The following CPNE8 variants were observed in gnomAD, a reference collection of about 807,000 sequenced individuals.
CPNE8 encodes the protein copine-8.
CPNE8 carries 45 observed loss-of-function variants against 81.5 expected under a neutral mutation model. The ratio of observed to expected loss-of-function variants is 0.55; its 90% CI spans 0.44 to 0.71. The LOEUF (loss-of-function observed/expected upper bound fraction) is 0.71, where lower values mean the gene tolerates loss of function less well. Among genes scored for constraint, CPNE8 ranks in the 30% least tolerant of loss-of-function variants. CPNE8 has a pLI of 0.00. For missense variants in CPNE8, 594 were observed against 672.1 expected, an observed-to-expected ratio of 0.88 and a Z score of 1.28; for synonymous variants, 252 against 226.3, an observed-to-expected ratio of 1.11 and a Z score of -1.02.
At chr12:38,703,575 C>A (rs826895) in intron 13 of CPNE8, among the ~76,000 whole-genome samples, 3 of 152,190 alleles carry the variant, frequency 2.0e-5, no homozygotes, top group Non-Finnish European at 4.4e-5. Context: ...CTCACCACTC[C>A]TATTCCACAT....
At chr12:38,808,439 T>C (rs1942866779) in intron 6 of CPNE8, among the ~76,000 whole-genome samples, 1 of 151,554 alleles carries the variant, frequency 6.6e-6, no homozygotes, top group Non-Finnish European at 1.5e-5. Context: ...AAATGATGAG[T>C]TCATGTCTTT....
chr12:38,843,368 C>T (rs1943504196), intron 4 of CPNE8, among the ~76,000 whole-genome samples: 1 of 152,162 alleles, frequency 6.6e-6, no homozygotes, highest in Non-Finnish European at 1.5e-5. Flanking sequence ...TACTTTCTCC[C>T]TAAAGTTCAG....
intron 14 of CPNE8, among the ~76,000 whole-genome samples, chr12:38,699,987 T>G (rs1179024814): frequency 6.6e-6 from 1 of 152,214 alleles, no homozygotes; most frequent in African/African-American, 2.4e-5. Flanking sequence ...GGATATCCTA[T>G]ATACAAGATC....
chr12:38,715,714 T>TC (rs2136721442), intron 13 of CPNE8, among the ~76,000 whole-genome samples: 1 of 152,080 alleles, frequency 6.6e-6, no homozygotes, highest in African/African-American at 2.4e-5. Flanking sequence ...TTGAAAGCAT[T>TC]CCCCCTGAGA....
chr12:38,760,435 G>GTGTATATA (rs1555154496), intron 10 of CPNE8, among the ~76,000 whole-genome samples: 4 of 127,276 alleles, frequency 3.1e-5, no homozygotes, highest in African/African-American at 7.0e-5. Context: ...TGTATGGTGT[G>GTGTATATA]TATATATATA....
intron 13 of CPNE8, among the ~76,000 whole-genome samples, chr12:38,704,089 G>A (rs770539982): frequency 1.9e-4 from 29 of 152,122 alleles, no homozygotes; most frequent in Non-Finnish European, 3.7e-4. Context: ...ACAGACACTG[G>A]AGACTACTAG....
At chr12:38,761,202 A>G (rs1166411320) in intron 9 of CPNE8, among the ~76,000 whole-genome samples, 1 of 152,178 alleles carries the variant, frequency 6.6e-6, no homozygotes, top group Non-Finnish European at 1.5e-5. Flanking sequence ...ACTGTCTTGG[A>G]GCAGTGTTTC....
At chr12:38,802,913 T>C (rs568934145) in intron 6 of CPNE8, among the ~76,000 whole-genome samples, 5 of 149,428 alleles carry the variant, frequency 3.3e-5, no homozygotes, top group South Asian at 4.3e-4. Flanking sequence ...CTAGAAGAAA[T>C]AGATACATTC....
At chr12:38,808,426 A>C (rs1942866403) in intron 6 of CPNE8, among the ~76,000 whole-genome samples, 1 of 152,058 alleles carries the variant, frequency 6.6e-6, no homozygotes, top group Admixed American at 6.6e-5. Context: ...ATGCAGCCAT[A>C]AAAAATGATG....
intron 3 of CPNE8, among the ~76,000 whole-genome samples, chr12:38,852,493 T>A (rs1943662389): frequency 6.7e-6 from 1 of 148,866 alleles, no homozygotes; most frequent in Non-Finnish European, 1.5e-5. Flanking sequence ...TCCCAGTTAC[T>A]CAGGAGGCTG....
intron 5 of CPNE8, among the ~76,000 whole-genome samples, chr12:38,831,405 A>G (rs1943283379): frequency 6.6e-6 from 1 of 152,168 alleles, no homozygotes; most frequent in Admixed American, 6.5e-5. Context: ...GAGGAAAAAA[A>G]CTAGAAGCCA....
chr12:38,864,391 C>A (rs1240407489), intron 3 of CPNE8, among the ~76,000 whole-genome samples: 1 of 152,060 alleles, frequency 6.6e-6, no homozygotes, highest in Non-Finnish European at 1.5e-5. Context: ...AAAATCTTTG[C>A]CCTGGCTCCT....
At chr12:38,786,998 C>A (rs545381386) in intron 6 of CPNE8, among the ~76,000 whole-genome samples, 1 of 152,188 alleles carries the variant, frequency 6.6e-6, no homozygotes, top group Non-Finnish European at 1.5e-5. Context: ...GATCCCAATA[C>A]AATAATAGCT....
At chr12:38,898,027 A>G (rs923483781) in intron 1 of CPNE8, among the ~76,000 whole-genome samples, 1 of 152,196 alleles carries the variant, frequency 6.6e-6, no homozygotes, top group African/African-American at 2.4e-5. Context: ...CAAACAGGCT[A>G]AGAACTGGAT....
chr12:38,738,642 A>G (rs1941008649), intron 10 of CPNE8, among the ~76,000 whole-genome samples: 1 of 152,232 alleles, frequency 6.6e-6, no homozygotes, highest in Admixed American at 6.5e-5. Flanking sequence ...GACAACTCAG[A>G]TCTTTCAGAT....
intron 6 of CPNE8, among the ~76,000 whole-genome samples, chr12:38,820,934 C>T (rs1011376116): frequency 1.3e-5 from 2 of 152,166 alleles, no homozygotes; most frequent in Non-Finnish European, 2.9e-5. Flanking sequence ...AAATCTTCTT[C>T]AACCTAGACC....
chr12:38,724,944 C>G (rs1426581398), intron 11 of CPNE8, 45 bp from the exon 12 acceptor site: 16 of 1,458,972 alleles, frequency 1.1e-5, no homozygotes, highest in Non-Finnish European at 1.4e-5. Context: ...GGTTTTATAC[C>G]GAAGTTTTAT....
chr12:38,800,984 C>T (rs1173739025), intron 6 of CPNE8, among the ~76,000 whole-genome samples: 1 of 149,774 alleles, frequency 6.7e-6, no homozygotes, highest in African/African-American at 2.5e-5. Context: ...ATGAGCAAAG[C>T]CTCCAAGAAA....
intron 4 of CPNE8, 40 bp from the exon 5 acceptor site, chr12:38,839,995 A>T: frequency 6.5e-7 from 1 of 1,527,106 alleles, no homozygotes; most frequent in Non-Finnish European, 8.9e-7. Flanking sequence ...ATTTCCACAA[A>T]ATACAGCTAG....
Sources: allele counts gnomAD v4.1 joint callset (sites outside exome capture counted in the v4.1 genomes callset), GRCh38; gene constraint gnomAD v4.1.1; transcripts MANE v1.5; gene names NCBI Gene and HGNC (gene_info 2026-07-23, HGNC 2026-07-21).